Variants in ACE observed in about 807,000 individuals in gnomAD.
The protein encoded by ACE is angiotensin I converting enzyme.
Under a neutral mutation model 162.3 loss-of-function variants are expected in ACE, and 122 were observed. The observed-to-expected ratio is 0.75, with a 90% CI of 0.65 to 0.87. The LOEUF (loss-of-function observed/expected upper bound fraction) is 0.87. ACE is among the 40% of genes least tolerant of loss of function. The pLI is 0.00. For missense variants in ACE, 1,799 were observed against 1,735.1 expected, an observed-to-expected ratio of 1.04 and a Z score of -0.65; for synonymous variants, 796 against 720.6, an observed-to-expected ratio of 1.10 and a Z score of -1.68.
rs760563261 is a variant in ACE at position 63,479,888 on chromosome 17, A to G, written c.631A>G (p.Ser211Gly). 2.5e-6 allele frequency: 4 copies of G among 1,611,960 alleles called. No homozygotes were observed. The highest frequency in any genetic ancestry group is 1.3e-5 in the African/African-American group (1 of 74,944). Residue 211 changes from serine to glycine, a missense_variant, in exon 4 of 25, where the codon AGC (serine) becomes GGC (glycine). Physicochemically the swap from Ser to Gly is moderately conservative, Grantham distance 56. Transcript: ENST00000290866. ...GCTGTACGAGGATTTCACTGCCCTC[A>G]GCAATGAAGCCTACAAGCAGGACGG... is the stretch of plus-strand genomic sequence containing the variant. Reference protein sequence around the residue: ...KPLYEDFTALSNEAYKQDGFT... With the variant: ...KPLYEDFTALGNEAYKQDGFT...
Position 63,484,761 on chromosome 17 carries a change from C to T in ACE, c.1921+220C>T. ...AGGGTGTGCTCAGACCTGAGGGCCC[C>T]TCCCCTTCCAGAGGAAGCCAGACAC... is the stretch of plus-strand genomic sequence containing the variant. On this transcript the variant is annotated intron_variant, in intron 12 of 24. Coordinates refer to ENST00000290866, the MANE Select transcript of ACE (RefSeq NM_000789.4). This position sits in a 1 kb window ranked among gnomAD's most constrained non-coding sequence, Gnocchi z 4.0. 2.0e-6 allele frequency: 3 copies of T among 1,471,654 alleles called. No individual in the cohort carries two copies. The highest frequency in any genetic ancestry group is 1.4e-5 in the South Asian group (1 of 72,378). 91.2% of individuals were successfully genotyped at this position (1,471,654 alleles called of 1,614,324 possible). A position where few individuals can be genotyped will look rare whatever the true frequency, so the allele number is the denominator to read the frequency against.
chr17:63,483,616 C>G lies in ACE; in HGVS notation c.1586+58C>G, dbSNP rs1599142555. 5.3e-6 allele frequency: 7 copies of G among 1,310,588 alleles called. No individual in the cohort carries two copies. In the East Asian group the frequency reaches 2.0e-4, roughly 37 times the overall value. The allele number at this position is 1,310,588 out of a possible 1,614,324, so 81.2% of individuals were successfully genotyped here. A position where few individuals can be genotyped will look rare whatever the true frequency, so the allele number is the denominator to read the frequency against. On this transcript the variant is annotated intron_variant, in intron 10 of 24. Transcript: ENST00000290866. ...ACTGTCACACCCTCAATCCACTTCT[C>G]CTCCTGTGATCCTAGCTGCCTCATC...
intron 14 of ACE, 98 bp downstream of exon 14, chr17:63,486,813 G>A (rs1568041655): frequency 1.6e-5 from 25 of 1,550,554 alleles, no homozygotes; most frequent in Non-Finnish European, 2.2e-5. Context: ...CTTCCTCGTT[G>A]TATCAAGTCA....
At chr17:63,480,567 A>G in intron 5 of ACE, 39 bp downstream of exon 5, 1 of 1,608,502 alleles carries the variant, frequency 6.2e-7, no homozygotes, top group South Asian at 1.1e-5. Context: ...GTCCCACGGA[A>G]GTGTGGGTCC....
rs374565878 is a variant in ACE, at chr17:63,494,540, C to T, written c.3380+70C>T. On this transcript the variant is annotated intron_variant, in intron 22 of 24. Coordinates refer to ENST00000290866, the MANE Select transcript of ACE (RefSeq NM_000789.4). The stretch of plus-strand genomic sequence containing the variant: ...CAGCTTTGTGTTTCAACTGCGGCCA[C>T]TGCCCGGTCCACAAGCTCTGTCAGT... 3.1e-5 allele frequency: 42 copies of T among 1,375,548 alleles called. No individual in the cohort carries two copies. In the African/African-American group the frequency reaches 4.7e-4, roughly 15 times the overall value. The allele number at this position is 1,375,548 out of a possible 1,614,324, so 85.2% of individuals were successfully genotyped here. A position where few individuals can be genotyped will look rare whatever the true frequency, so the allele number is the denominator to read the frequency against.
chr17:63,497,501 C>T lies in ACE; in HGVS notation c.*135C>T, dbSNP rs1202666638. ...CCTGCCCTGTCCCTGTCCCCCTCCCCTCCCAGTCCTCCAGACCACCAGCCG... is the reference window on the plus strand; with the variant it reads ...CCTGCCCTGTCCCTGTCCCCCTCCCTTCCCAGTCCTCCAGACCACCAGCCG... On this transcript the variant is annotated 3_prime_UTR_variant, in exon 25 of 25. Transcript: ENST00000290866. The T allele has an allele frequency of 2.4e-6, 2 of 837,768 alleles. No individual in the cohort carries two copies. Among genetic ancestry groups the T allele is most frequent in the Admixed American group, 4.0e-5 (2 of 50,080 alleles). 51.9% of individuals were successfully genotyped at this position (837,768 alleles called of 1,614,324 possible).
Position 63,483,137 on chromosome 17 carries a change from C to G in ACE, c.1451C>G (p.Pro484Arg), listed in dbSNP as rs1365864797. The change falls in exon 9 of 25, where the codon CCC (proline) becomes CGC (arginine). Residue 484 changes from proline to arginine, a missense_variant. By Grantham distance (103) the Pro-to-Arg change is moderately radical. Transcript: ENST00000290866. ...TGGGGGGTCTTTAGTGGGCGTACCC[C>G]CCCTTCCCGCTACAACTTCGACTGG... ...WRWGVFSGRT[P>R]PSRYNFDWWY... 1 of 1,614,070 alleles carries G rather than the reference C, an allele frequency of 6.2e-7. No individual in the cohort carries two copies. The highest frequency in any genetic ancestry group is 8.5e-7 in the Non-Finnish European group (1 of 1,180,030).
Position 63,483,025 on chromosome 17 carries a change from A to G in ACE, c.1343-4A>G. The G allele has an allele frequency of 6.2e-7, 1 of 1,613,880 alleles. No individual in the cohort carries two copies. Among genetic ancestry groups the G allele is most frequent in the Non-Finnish European group, 8.5e-7 (1 of 1,179,912 alleles). On this transcript the variant is annotated splice_polypyrimidine_tract_variant and splice_region_variant and intron_variant, in intron 8 of 24. Coordinates refer to ENST00000290866, the MANE Select transcript of ACE (RefSeq NM_000789.4). ...CCCTCTCCTTTCATCTCATCTCCCA[A>G]CAGAAAGTGACATCAATTACTTGCT...
At position 63,483,471 on chromosome 17, in the gene ACE, A is replaced by G. The variant is rs1330033201; in HGVS notation, c.1499A>G (p.Gln500Arg). The change falls in exon 10 of 25, where the codon CAG (glutamine) becomes CGG (arginine). Residue 500 changes from glutamine to arginine, a missense_variant. Gln to Arg is a conservative substitution (Grantham distance 43). Transcript: ENST00000290866. ...CCATCCTTTTCCAGAACCAAGTATC[A>G]GGGGATCTGTCCTCCTGTTACCCGA... ...FDWWYLRTKY[Q>R]GICPPVTRNE... The G allele has an allele frequency of 1.2e-6, 2 of 1,613,932 alleles. No homozygotes were observed. Among genetic ancestry groups the G allele is most frequent in the South Asian group, 1.1e-5 (1 of 91,050 alleles).
Position 63,477,196 on chromosome 17 carries a change from G to T in ACE, c.102G>T (p.Leu34=). ...CCGCCCTGGCGTTGGACCCCGGGCT[G>T]CAGCCCGGCAACTTTTCTGCTGACG... ...PQPALALDPG[L]QPGNFSADEA... Residue 34 remains leucine, a synonymous_variant, in exon 1 of 25, where the codon CTG becomes CTT. Transcript: ENST00000290866. 1 of 1,483,142 alleles carries T rather than the reference G, an allele frequency of 6.7e-7. No individual in the cohort carries two copies. The allele number at this position is 1,483,142 out of a possible 1,614,324, so 91.9% of individuals were successfully genotyped here. A position where few individuals can be genotyped will look rare whatever the true frequency, so the allele number is the denominator to read the frequency against.
Position 63,478,015 on chromosome 17 carries a change from T to C in ACE, c.334T>C (p.Phe112Leu). 1 of 1,611,076 alleles carries C rather than the reference T, an allele frequency of 6.2e-7. No homozygotes were observed. Among genetic ancestry groups the C allele is most frequent in the African/African-American group, 1.3e-5 (1 of 75,010 alleles). ...GCTGTATGAACCGATCTGGCAGAAC[T>C]TCACGGACCCGCAGCTGCGCAGGAT... ...KELYEPIWQN[F>L]TDPQLRRIIG... is the part of the protein sequence containing the mutation. Residue 112 changes from phenylalanine to leucine, a missense_variant, in exon 2 of 25, where the codon TTC (phenylalanine) becomes CTC (leucine). Transcript: ENST00000290866.
intron 19 of ACE, among the ~76,000 whole-genome samples, chr17:63,492,525 G>C (rs2030450227): frequency 6.6e-6 from 1 of 152,260 alleles, no homozygotes; most frequent in Non-Finnish European, 1.5e-5. Context: ...GGATCTGGGG[G>C]ATGAGAGCCC....
At chr17:63,482,423 C>G in intron 7 of ACE, 43 bp from the exon 8 acceptor site, 1 of 1,580,028 alleles carries the variant, frequency 6.3e-7, no homozygotes, top group Middle Eastern at 1.7e-4. Context: ...CTGCCCTGTT[C>G]TGTCCATCCG....
chr17:63,477,069 C>T lies in ACE; in HGVS notation c.-26C>T. The stretch of plus-strand genomic sequence containing the variant: ...GGCGGCCGCGGCGCAGGAGAAGGGG[C>T]AGAGCCGAGCACCGCGCACCGCGTC... On this transcript the variant is annotated 5_prime_UTR_variant, in exon 1 of 25. Coordinates refer to ENST00000290866, the MANE Select transcript of ACE (RefSeq NM_000789.4). 1 of 1,271,190 alleles carries T rather than the reference C, an allele frequency of 7.9e-7. No homozygotes were observed. The highest frequency in any genetic ancestry group is 9.9e-7 in the Non-Finnish European group (1 of 1,014,388). 78.7% of individuals were successfully genotyped at this position (1,271,190 alleles called of 1,614,324 possible). A position where few individuals can be genotyped will look rare whatever the true frequency, so the allele number is the denominator to read the frequency against.
At chr17:63,490,714 C>A (rs569704324) in intron 17 of ACE, 4 of 560,834 alleles carry the variant, frequency 7.1e-6, no homozygotes, top group Non-Finnish European at 1.3e-5. Flanking sequence ...ACAGTGAAGA[C>A]CACCTGGATT....
chr17:63,483,046 T>G lies in ACE; in HGVS notation c.1360T>G (p.Leu454Val). 1 of 1,614,140 alleles carries G rather than the reference T, an allele frequency of 6.2e-7. No homozygotes were observed. The highest frequency in any genetic ancestry group is 8.5e-7 in the Non-Finnish European group (1 of 1,180,024). The change falls in exon 9 of 25, where the codon TTG becomes GTG. Residue 454 changes from leucine to valine, a missense_variant. Coordinates refer to ENST00000290866, the MANE Select transcript of ACE (RefSeq NM_000789.4). ...CCCAACAGAAAGTGACATCAATTACTTGCTAAAAATGGCACTGGAAAAAAT... is the reference window on the plus strand; with the variant it reads ...CCCAACAGAAAGTGACATCAATTACGTGCTAAAAATGGCACTGGAAAAAAT... ...TNDTESDINY[L>V]LKMALEKIAF...
chr17:63,496,622 C>T, intron 23 of ACE, 106 bp downstream of exon 23: 1 of 1,601,056 alleles, frequency 6.2e-7, no homozygotes, highest in Non-Finnish European at 8.5e-7. Flanking sequence ...CCATTTTGAG[C>T]CGGGAACTCC....
At chr17:63,483,779 G>C in intron 10 of ACE, 70 bp from the exon 11 acceptor site, 1 of 1,611,332 alleles carries the variant, frequency 6.2e-7, no homozygotes, top group East Asian at 2.2e-5. Context: ...GAAGCTGGAT[G>C]GTGCCTGGGT....
chr17:63,489,113 C>A lies in ACE; in HGVS notation c.2622C>A (p.Pro874=). 2 of 1,610,904 alleles carry A rather than the reference C, an allele frequency of 1.2e-6. No homozygotes were observed. Among genetic ancestry groups the A allele is most frequent in the Non-Finnish European group, 1.7e-6 (2 of 1,179,998 alleles). ...YGAQHINLEG[P]IPAHLLGNMW... ...CCCAGCACATCAACCTGGAGGGGCCCATTCCTGCTCACCTGCTGGGTAAGG... is the reference window on the plus strand; with the variant it reads ...CCCAGCACATCAACCTGGAGGGGCCAATTCCTGCTCACCTGCTGGGTAAGG... Residue 874 remains proline, a synonymous_variant, in exon 17 of 25, where the codon CCC becomes CCA. Coordinates refer to ENST00000290866, the MANE Select transcript of ACE (RefSeq NM_000789.4).
Sources: gnomAD v4.1 joint callset for allele counts (sites outside exome capture counted in the v4.1 genomes callset) on GRCh38, gnomAD v4.1.1 for gene constraint, Gnocchi (gnomAD v3.1) non-coding constraint, MANE v1.5 for transcripts, NCBI Gene and HGNC (gene_info 2026-07-23, HGNC 2026-07-21) for gene names.